Variants in RPS6KA5 observed in about 807,000 individuals in gnomAD.
RPS6KA5 encodes ribosomal protein S6 kinase alpha-5.
Under a neutral mutation model 85.5 loss-of-function variants are expected in RPS6KA5, and 27 were observed. The observed-to-expected ratio is 0.32, with a 90% CI of 0.23 to 0.44. The LOEUF is 0.44. RPS6KA5 is among the 20% of genes least tolerant of loss of function. The pLI is 1.00. For synonymous variants in RPS6KA5, 334 were observed against 348.2 expected, an observed-to-expected ratio of 0.96 and a Z score of 0.46; for missense variants, 811 against 980.9, an observed-to-expected ratio of 0.83 and a Z score of 2.31.
chr14:91,044,285 GAGAGAGAGAAAGAGAGAGAA>G (rs1221795466), intron 1 of RPS6KA5, among the ~76,000 whole-genome samples: 13 of 135,402 alleles, frequency 9.6e-5, no homozygotes, highest in Non-Finnish European at 1.6e-4. Context: ...AAGAAAGAGA[GAGAGAGAGAAAGAGAGAGAA>G]AGAGAGAGAG....
intron 7 of RPS6KA5, among the ~76,000 whole-genome samples, chr14:90,913,664 A>G (rs185230796): frequency 4.7e-4 from 71 of 152,152 alleles, no homozygotes; most frequent in African/African-American, 1.6e-3. Context: ...TCCTTTGTAC[A>G]CTTTTTTTTC....
At chr14:90,943,001 A>T in intron 5 of RPS6KA5, 77 bp downstream of exon 5, 1 of 859,560 alleles carries the variant, frequency 1.2e-6, no homozygotes, top group Non-Finnish European at 2.0e-6. Context: ...GTTTTCTGCT[A>T]AATGTTTATT....
intron 1 of RPS6KA5, among the ~76,000 whole-genome samples, chr14:91,043,474 G>A (rs759377296): frequency 8.5e-5 from 13 of 152,156 alleles, no homozygotes; most frequent in Non-Finnish European, 1.2e-4. Flanking sequence ...TTTCACAACC[G>A]ATTCTTCTAC....
At chr14:90,991,719 A>G (rs1457021763) in intron 2 of RPS6KA5, among the ~76,000 whole-genome samples, 2 of 150,862 alleles carry the variant, frequency 1.3e-5, no homozygotes, top group African/African-American at 4.9e-5. Flanking sequence ...AAAAAAAAAA[A>G]AGAAGAGAGA....
Position 91,044,376 on chromosome 14 carries a change from GGAAAGAAAGAAAGAAGGAAAGAAA to G in RPS6KA5, c.103+15932_103+15955del, listed in dbSNP as rs2042756713. On this transcript the variant is annotated intron_variant, in intron 1 of 16. Transcript: ENST00000614987. ...GAAAGAAAGAAAGAGAAAGAAAGAAGGAAAGAAAGAAAGAAGGAAAGAAAGAAAGAAAGAAAGAAAGAAAGAAAG... is the reference window on the plus strand; with the variant it reads ...GAAAGAAAGAAAGAGAAAGAAAGAAGGAAAGAAAGAAAGAAAGAAAGAAAG... Among the ~76,000 whole-genome samples the G allele has an allele frequency of 1.4e-3, 16 of 11,446 alleles. 1 individual carries two copies. Among genetic ancestry groups the G allele is most frequent in the African/African-American group, 2.1e-3 (8 of 3,834 alleles). The allele number at this position is 11,446 out of a possible 152,430, so 7.5% of individuals were successfully genotyped here. A position where few individuals can be genotyped will look rare whatever the true frequency, so the allele number is the denominator to read the frequency against.
intron 14 of RPS6KA5, among the ~76,000 whole-genome samples, chr14:90,879,028 G>A (rs749593207): frequency 2.0e-5 from 3 of 152,220 alleles, no homozygotes; most frequent in Non-Finnish European, 4.4e-5. Flanking sequence ...TCTGGTGCAA[G>A]GTGGGGCCTT....
chr14:91,049,524 A>C (rs2042988100), intron 1 of RPS6KA5, among the ~76,000 whole-genome samples: 1 of 152,176 alleles, frequency 6.6e-6, no homozygotes, highest in Admixed American at 6.5e-5. Flanking sequence ...CTGAGGCAGG[A>C]GAATGGCGTG....
At chr14:91,004,927 G>T (rs565034084) in intron 1 of RPS6KA5, among the ~76,000 whole-genome samples, 2 of 151,036 alleles carry the variant, frequency 1.3e-5, no homozygotes, top group African/African-American at 4.9e-5. Context: ...AAGATCGCGC[G>T]CCACTGCACT....
intron 5 of RPS6KA5, among the ~76,000 whole-genome samples, chr14:90,942,366 AAAC>A (rs1435541335): frequency 6.6e-6 from 1 of 152,216 alleles, no homozygotes; most frequent in Non-Finnish European, 1.5e-5. Context: ...GATAGAAACG[AAAC>A]TAACATTCAA....
At position 91,001,935 on chromosome 14, in the gene RPS6KA5, G is replaced by A. The variant is rs77526070; in HGVS notation, c.104-776C>T. Among the ~76,000 whole-genome samples, 14 of 152,198 alleles carry A rather than the reference G, an allele frequency of 9.2e-5. No individual in the cohort carries two copies. The East Asian group carries it at 2.5e-3, about 27-fold the overall frequency. ...ATGGTTGGCTTAAACAAAGTTAAACGATTTCTTTACTGCTGAACCTTACAG... is the reference window on the plus strand; with the variant it reads ...ATGGTTGGCTTAAACAAAGTTAAACAATTTCTTTACTGCTGAACCTTACAG... On this transcript the variant is annotated intron_variant, in intron 1 of 16. Coordinates refer to ENST00000614987, the MANE Select transcript of RPS6KA5 (RefSeq NM_004755.4).
At chr14:90,949,562 CTGAA>C (rs2038061766) in intron 3 of RPS6KA5, among the ~76,000 whole-genome samples, 8 of 152,144 alleles carry the variant, frequency 5.3e-5, no homozygotes, top group Admixed American at 5.2e-4. Flanking sequence ...AACAGGGTCT[CTGAA>C]CAAAACCACT....
In RPS6KA5 at chr14:90,873,763, T is replaced by C; in HGVS notation, c.2029A>G (p.Lys677Glu). 6.2e-7 allele frequency: 1 copy of C among 1,614,136 alleles called. No individual in the cohort carries two copies. Among genetic ancestry groups the C allele is most frequent in the Non-Finnish European group, 8.5e-7 (1 of 1,179,984 alleles). Residue 677 changes from lysine (K) to glutamate (E), a missense_variant, in exon 16 of 17, where the codon AAA (lysine) becomes GAA (glutamate). By Grantham distance (56) the Lys-to-Glu change is moderately conservative. This residue lies in a region of RPS6KA5 where 650 missense variants were observed against 793.4 expected (regional missense o/e 0.82). Transcript: ENST00000614987. ...TCATTGTACCTCAAGCCAGACATTTTAAGCCTTTTGTTTGGATCTACTGTG... is the reference window on the plus strand; with the variant it reads ...TCATTGTACCTCAAGCCAGACATTTCAAGCCTTTTGTTTGGATCTACTGTG... ...LLTVDPNKRLKMSGLRYNEWL... is the reference protein window; with the variant it reads ...LLTVDPNKRLEMSGLRYNEWL...
chr14:90,874,677 G>A (rs531537243), intron 15 of RPS6KA5, among the ~76,000 whole-genome samples: 3 of 152,270 alleles, frequency 2.0e-5, no homozygotes, highest in Admixed American at 2.0e-4. Context: ...GAGGAAGTGA[G>A]GCAAGGTGAA....
At chr14:90,893,989 T>A (rs1317735401) in intron 13 of RPS6KA5, 2 of 858,796 alleles carry the variant, frequency 2.3e-6, no homozygotes, top group Non-Finnish European at 2.8e-6. Context: ...AATAGAATTA[T>A]ATACATTTTT....
intron 3 of RPS6KA5, among the ~76,000 whole-genome samples, chr14:90,969,855 T>C (rs1228750938): frequency 6.6e-6 from 1 of 152,144 alleles, no homozygotes; most frequent in Non-Finnish European, 1.5e-5. Context: ...CACTTCTCTC[T>C]TTTTTTCTCT....
chr14:90,925,941 C>CAAAAAAAAAAAAAAA (rs71117389), intron 5 of RPS6KA5, among the ~76,000 whole-genome samples: 2 of 73,524 alleles, frequency 2.7e-5, no homozygotes, highest in African/African-American at 5.6e-5. Flanking sequence ...GACCCTGACT[C>CAAAAAAAAAAAAAAA]AAAAAAAAAA....
chr14:90,960,007 T>G (rs914928411), intron 3 of RPS6KA5, among the ~76,000 whole-genome samples: 2 of 152,190 alleles, frequency 1.3e-5, no homozygotes, highest in African/African-American at 4.8e-5. Context: ...AACTTGATCA[T>G]GCCCAGCATG....
At chr14:90,911,549 A>G (rs2035816642) in intron 7 of RPS6KA5, 1 of 152,216 alleles carries the variant, frequency 6.6e-6, no homozygotes. Context: ...AACAGCTCTC[A>G]GTAAGCTTCA....
intron 2 of RPS6KA5, among the ~76,000 whole-genome samples, chr14:90,987,684 T>C (rs922908704): frequency 1.3e-4 from 19 of 151,556 alleles, no homozygotes; most frequent in African/African-American, 4.4e-4. Context: ...GTTGATTAGA[T>C]GACAGCAGCA....
Sources: allele counts gnomAD v4.1 joint callset (sites outside exome capture counted in the v4.1 genomes callset), GRCh38; gene constraint gnomAD v4.1.1; regional missense constraint gnomAD v4.1.1; transcripts MANE v1.5; gene names NCBI Gene and HGNC (gene_info 2026-07-23, HGNC 2026-07-21).